The following PARP4 variants were observed in gnomAD, a reference collection of about 807,000 sequenced individuals.
PARP4 encodes the protein protein mono-ADP-ribosyltransferase PARP4.
Under a neutral mutation model 187.7 loss-of-function variants are expected in PARP4, and 120 were observed. The observed-to-expected ratio is 0.64, with a 90% CI of 0.55 to 0.74. The LOEUF is 0.74. PARP4 is among the 30% of genes least tolerant of loss of function. The pLI, the probability that PARP4 is intolerant of heterozygous loss-of-function variation, is 0.00. For synonymous variants in PARP4, 654 were observed against 740.9 expected (o/e 0.88, Z 1.90); for missense variants, 1,836 against 2,070.5 (o/e 0.89, Z 2.20).
At chr13:24,460,831 A>C (rs1872184861) in intron 17 of PARP4, among the ~76,000 whole-genome samples, 1 of 152,102 alleles carries the variant, frequency 6.6e-6, no homozygotes, top group Non-Finnish European at 1.5e-5. Context: ...ACGCACCACC[A>C]TGCCTGGCTG....
chr13:24,496,211 C>T lies in PARP4; in HGVS notation c.592-1489G>A, dbSNP rs559052984. Among the ~76,000 whole-genome samples the T allele has an allele frequency of 5.3e-5, 8 of 152,250 alleles. 1 individual carries two copies. The South Asian group carries it at 1.7e-3, about 32-fold the overall frequency. ...CACATTCTATCATGTTTTTCACCTT[C>T]ATTTTTACTTACTTCTTACCCAAAC... On this transcript the variant is annotated intron_variant, in intron 6 of 33. Transcript: ENST00000381989.
chr13:24,468,395 C>A (rs1354531323), intron 17 of PARP4, among the ~76,000 whole-genome samples: 1 of 142,118 alleles, frequency 7.0e-6, no homozygotes. Context: ...AAATATATCA[C>A]ACTCCTTTTT....
At chr13:24,470,594 AC>A (rs1872687793) in intron 15 of PARP4, among the ~76,000 whole-genome samples, 1 of 151,876 alleles carries the variant, frequency 6.6e-6, no homozygotes, top group African/African-American at 2.4e-5. Flanking sequence ...TCACTCCCTC[AC>A]TCAGGAAAAG....
intron 24 of PARP4, among the ~76,000 whole-genome samples, chr13:24,450,979 G>A (rs9578735): frequency 0.049 from 7,454 of 152,168 alleles, 583 homozygotes; most frequent in African/African-American, 0.16. Context: ...GGGCTGGAGC[G>A]ATCCTCCTGC....
At chr13:24,492,395 T>A in intron 9 of PARP4, 26 bp downstream of exon 9, 1 of 1,547,112 alleles carries the variant, frequency 6.5e-7, no homozygotes, top group South Asian at 1.2e-5. Flanking sequence ...TTATAATAAA[T>A]AGAATTCTAT....
intron 15 of PARP4, among the ~76,000 whole-genome samples, chr13:24,474,278 T>G (rs887060000): frequency 6.6e-6 from 1 of 151,226 alleles, no homozygotes; most frequent in African/African-American, 2.4e-5. Context: ...CTGCAAACCT[T>G]CTTCTCCACA....
intron 28 of PARP4, among the ~76,000 whole-genome samples, chr13:24,442,886 T>A (rs1871018253): frequency 6.6e-6 from 1 of 151,734 alleles, no homozygotes; most frequent in Non-Finnish European, 1.5e-5. Flanking sequence ...TCCCTCTAGT[T>A]CAGAGAGCTC....
At chr13:24,429,735 T>A (rs1397571093) in intron 32 of PARP4, among the ~76,000 whole-genome samples, 1 of 152,156 alleles carries the variant, frequency 6.6e-6, no homozygotes, top group African/African-American at 2.4e-5. Context: ...TTCCTTGAGG[T>A]TGCACCTGTA....
chr13:24,492,287 T>C (rs1868699444), intron 9 of PARP4, 134 bp downstream of exon 9: 1 of 603,230 alleles, frequency 1.7e-6, no homozygotes, highest in African/African-American at 1.9e-5. Context: ...TCTAAAATGG[T>C]TCAACAATTT....
chr13:24,456,725 C>A (rs917743044), intron 20 of PARP4, among the ~76,000 whole-genome samples: 1 of 151,992 alleles, frequency 6.6e-6, no homozygotes, highest in African/African-American at 2.4e-5. Context: ...ATGGTGAAAC[C>A]CTGTCTCTAC....
intron 10 of PARP4, among the ~76,000 whole-genome samples, chr13:24,486,940 C>A (rs756527875): frequency 6.6e-6 from 1 of 151,302 alleles, no homozygotes; most frequent in African/African-American, 2.4e-5. Flanking sequence ...CCAGACTGGG[C>A]GACAGAACGA....
chr13:24,484,499 G>C (rs1873448716), intron 12 of PARP4, among the ~76,000 whole-genome samples, 154 bp downstream of exon 12: 1 of 152,110 alleles, frequency 6.6e-6, no homozygotes, highest in Non-Finnish European at 1.5e-5. Context: ...CATTATCAAG[G>C]ATGCTGAAGA....
At chr13:24,425,384 G>A (rs944486572) in intron 33 of PARP4, among the ~76,000 whole-genome samples, 1 of 152,078 alleles carries the variant, frequency 6.6e-6, no homozygotes, top group Non-Finnish European at 1.5e-5. Context: ...GCAAAACAAA[G>A]CACACTAGGA....
chr13:24,467,547 C>T (rs549546016), intron 17 of PARP4, among the ~76,000 whole-genome samples: 12 of 152,252 alleles, frequency 7.9e-5, no homozygotes, highest in African/African-American at 2.9e-4. Flanking sequence ...AGTGATCCTC[C>T]CGCCTTGGCC....
At chr13:24,512,438 C>A (rs1456113758) in intron 1 of PARP4, among the ~76,000 whole-genome samples, 1 of 152,220 alleles carries the variant, frequency 6.6e-6, no homozygotes, top group Non-Finnish European at 1.5e-5. Context: ...GTGTGACTGT[C>A]GGCTCCGGTG....
At chr13:24,497,448 A>G (rs1252327137) in intron 6 of PARP4, among the ~76,000 whole-genome samples, 1 of 152,184 alleles carries the variant, frequency 6.6e-6, no homozygotes, top group Non-Finnish European at 1.5e-5. Context: ...ATGCTTTCAG[A>G]GGTGTAAATA....
chr13:24,501,001 G>T lies in PARP4; in HGVS notation c.335-619C>A, dbSNP rs139557787. Among the ~76,000 whole-genome samples the T allele has an allele frequency of 4.5e-4, 69 of 151,922 alleles. No homozygotes were observed. The East Asian group carries it at 5.6e-3, about 12-fold the overall frequency. On this transcript the variant is annotated intron_variant, in intron 3 of 33. Coordinates refer to ENST00000381989, the MANE Select transcript of PARP4 (RefSeq NM_006437.4). ...ATGAGTCTACTATTTTATTTCTGTT[G>T]TAACTATCATTTGCTGGGACATGTG...
At chr13:24,493,465 T>C in intron 8 of PARP4, 131 bp downstream of exon 8, 2 of 823,056 alleles carry the variant, frequency 2.4e-6, no homozygotes, top group Non-Finnish European at 3.7e-6. Context: ...TCAGTACCGG[T>C]ACAAGGAAAG....
intron 25 of PARP4, among the ~76,000 whole-genome samples, chr13:24,447,739 T>C (rs1261293578): frequency 6.6e-6 from 1 of 152,268 alleles, no homozygotes; most frequent in Non-Finnish European, 1.5e-5. Context: ...TAATTACTAA[T>C]ATGCAGCCTT....
Sources: gnomAD v4.1 joint callset for allele counts (sites outside exome capture counted in the v4.1 genomes callset) on GRCh38, gnomAD v4.1.1 for gene constraint, MANE v1.5 for transcripts, NCBI Gene and HGNC (gene_info 2026-07-23, HGNC 2026-07-21) for gene names.